SLC16A9: variants seen among roughly 807,000 people sequenced by gnomAD.
SLC16A9 encodes the protein solute carrier family 16 member 9, also known as monocarboxylate transporter 9.
A neutral mutation model predicts 44.3 loss-of-function variants in SLC16A9; 26 were observed. The ratio of observed to expected loss-of-function variants is 0.59; its 90% CI spans 0.43 to 0.81. The LOEUF (loss-of-function observed/expected upper bound fraction) is 0.81. SLC16A9 is among the 40% of genes least tolerant of loss of function. SLC16A9 has a pLI of 0.00. For missense variants in SLC16A9, 559 were observed against 595.8 expected (o/e 0.94, Z 0.64); for synonymous variants, 230 against 225.1 (o/e 1.02, Z -0.19).
intron 2 of SLC16A9, among the ~76,000 whole-genome samples, chr10:59,677,580 G>A (rs1455926995): frequency 6.6e-6 from 1 of 152,014 alleles, no homozygotes; most frequent in Non-Finnish European, 1.5e-5. Context: ...CTCGCATCAA[G>A]GTTTAAAATA....
chr10:59,654,314 A>G lies in SLC16A9; in HGVS notation c.712T>C (p.Cys238Arg), dbSNP rs999940296. Residue 238 changes from cysteine to arginine, a missense_variant, in exon 5 of 6, where the codon TGC (cysteine) becomes CGC (arginine). Cys to Arg is a radical substitution (Grantham distance 180). Coordinates refer to ENST00000395348, the MANE Select transcript of SLC16A9 (RefSeq NM_194298.3). ...LDKSYSSEEK[C>R]RITLANGDWK... ...TCACCATTGGCTAACGTGATCCTGC[A>G]TTTTTCCTCACTACTGTAGCTCTTG... 6.2e-6 allele frequency: 10 copies of G among 1,613,910 alleles called. No homozygotes were observed. The Admixed American group carries it at 1.2e-4, about 19-fold the overall frequency.
intron 1 of SLC16A9, among the ~76,000 whole-genome samples, chr10:59,698,201 T>C (rs1267480339): frequency 6.6e-6 from 1 of 152,236 alleles, no homozygotes; most frequent in African/African-American, 2.4e-5. Context: ...CTTTAGTTAT[T>C]TCTTAATACT....
chr10:59,653,446 G>A (rs1215482180), intron 5 of SLC16A9, among the ~76,000 whole-genome samples: 698 of 22,756 alleles, frequency 0.031, no homozygotes, highest in Non-Finnish European at 0.067. Context: ...AAAAAAAAAA[G>A]CAGGCATTTT....
At chr10:59,671,422 C>A (rs1030879325) in intron 3 of SLC16A9, among the ~76,000 whole-genome samples, 3 of 152,296 alleles carry the variant, frequency 2.0e-5, no homozygotes, top group African/African-American at 7.2e-5. Context: ...AAGTGAAATA[C>A]ATTTTGAACA....
intron 3 of SLC16A9, among the ~76,000 whole-genome samples, chr10:59,666,594 A>G (rs1166108976): frequency 6.6e-6 from 1 of 152,220 alleles, no homozygotes; most frequent in African/African-American, 2.4e-5. Flanking sequence ...CATAGGCTTC[A>G]CAACCACACC....
intron 1 of SLC16A9, among the ~76,000 whole-genome samples, chr10:59,703,972 T>G (rs944414568): frequency 6.6e-6 from 1 of 152,162 alleles, no homozygotes; most frequent in Non-Finnish European, 1.5e-5. Flanking sequence ...TCCGCCCGCC[T>G]CTGCCTCCAA....
At chr10:59,680,414 C>G (rs12264008) in intron 2 of SLC16A9, among the ~76,000 whole-genome samples, 16,231 of 152,132 alleles carry the variant, frequency 0.11, 1,421 homozygotes, top group African/African-American at 0.24. Context: ...GGTTCCAGCT[C>G]CCTCTGCCAC....
intron 4 of SLC16A9, among the ~76,000 whole-genome samples, chr10:59,663,757 TAATAATA>T (rs1261494928): frequency 6.6e-6 from 1 of 151,980 alleles, no homozygotes; most frequent in African/African-American, 2.4e-5. Flanking sequence ...TAAAATATAA[TAATAATA>T]AATAATAAAT....
chr10:59,652,946 C>T lies in SLC16A9; in HGVS notation c.1356G>A (p.Trp452Ter), dbSNP rs1244528580. 1 of 1,599,254 alleles carries T rather than the reference C, an allele frequency of 6.3e-7. No individual in the cohort carries two copies. The highest frequency in any genetic ancestry group is 8.5e-7 in the Non-Finnish European group (1 of 1,175,146). The change falls in exon 6 of 6, where the codon TGG becomes TGA. Residue 452 changes from tryptophan to a stop codon, truncating the protein, a stop_gained. Transcript: ENST00000395348. LOFTEE classifies it high-confidence loss of function. The part of the protein sequence containing the change: ...GNSLGPPIVG[W>*]FYDWTQTYDI... ...CATAGGTCTGGGTCCAGTCATAAAA[C>T]CAACCTGAAAAGGCAGTAAGAAAAA...
chr10:59,686,473 T>A (rs1440361754), intron 1 of SLC16A9, among the ~76,000 whole-genome samples: 1 of 152,228 alleles, frequency 6.6e-6, no homozygotes, highest in Non-Finnish European at 1.5e-5. Context: ...TTTGTTCAAG[T>A]CTCCATCTAT....
chr10:59,685,833 C>T (rs2132498021), intron 1 of SLC16A9, among the ~76,000 whole-genome samples: 1 of 152,276 alleles, frequency 6.6e-6, no homozygotes, highest in Admixed American at 6.5e-5. Context: ...TCATTGAGGC[C>T]AGGTATTACC....
At chr10:59,671,789 A>G (rs916132287) in intron 3 of SLC16A9, among the ~76,000 whole-genome samples, 3 of 152,226 alleles carry the variant, frequency 2.0e-5, no homozygotes, top group African/African-American at 4.8e-5. Flanking sequence ...CTAAGTATCA[A>G]ACGAAGTCTC....
chr10:59,672,426 C>T (rs1839770421), intron 3 of SLC16A9, among the ~76,000 whole-genome samples: 1 of 152,060 alleles, frequency 6.6e-6, no homozygotes, highest in South Asian at 2.1e-4. Context: ...AGGAAAAGGG[C>T]CACTTCATAA....
rs543308404 is a variant in SLC16A9, at chr10:59,680,466, T to C, written c.196+3630A>G. Among the ~76,000 whole-genome samples the C allele has an allele frequency of 1.5e-3, 227 of 152,330 alleles. 2 individuals are homozygous for C. The highest frequency in any genetic ancestry group is 5.2e-3 in the African/African-American group (215 of 41,566). On this transcript the variant is annotated intron_variant, in intron 2 of 5. Coordinates refer to ENST00000395348, the MANE Select transcript of SLC16A9 (RefSeq NM_194298.3). ...TGTCTTCATCTTTCATCCTGAATGG[T>C]CCCTTTCTTTTGCAGGTTTTACAGA...
At chr10:59,667,934 T>G (rs1335345620) in intron 3 of SLC16A9, among the ~76,000 whole-genome samples, 1 of 152,012 alleles carries the variant, frequency 6.6e-6, no homozygotes, top group Non-Finnish European at 1.5e-5. Context: ...TTTCACACAC[T>G]GGAGACACAA....
In SLC16A9 at chr10:59,675,814, A is replaced by G. The variant is rs190154317; in HGVS notation, c.197-2901T>C. Among the ~76,000 whole-genome samples, 69 of 152,102 alleles carry G rather than the reference A, an allele frequency of 4.5e-4. 1 individual carries two copies. Among genetic ancestry groups the G allele is most frequent in the Admixed American group, 2.8e-3 (42 of 15,264 alleles). ...GGAAAGAATCAAGAGAGAAGGAAAAACCCCAGAACCATGCCAACTTGTAAA... is the reference window on the plus strand; with the variant it reads ...GGAAAGAATCAAGAGAGAAGGAAAAGCCCCAGAACCATGCCAACTTGTAAA... On this transcript the variant is annotated intron_variant, in intron 2 of 5. Coordinates refer to ENST00000395348, the MANE Select transcript of SLC16A9 (RefSeq NM_194298.3).
chr10:59,686,203 C>T (rs1314535044), intron 1 of SLC16A9, among the ~76,000 whole-genome samples: 3 of 152,178 alleles, frequency 2.0e-5, no homozygotes, highest in Non-Finnish European at 2.9e-5. Context: ...TGTTTCATCA[C>T]AGAATCTTTT....
chr10:59,704,342 A>T (rs1389422607), intron 1 of SLC16A9, among the ~76,000 whole-genome samples: 1 of 152,080 alleles, frequency 6.6e-6, no homozygotes, highest in Non-Finnish European at 1.5e-5. Context: ...ATCCGGGTAA[A>T]CCTTGTGAAG....
chr10:59,695,725 G>A (rs1840356863), intron 1 of SLC16A9, among the ~76,000 whole-genome samples: 1 of 152,188 alleles, frequency 6.6e-6, no homozygotes. Flanking sequence ...ACAGAGCAAA[G>A]CTTCTCCTCA....
Sources: gnomAD v4.1 joint callset for allele counts (sites outside exome capture counted in the v4.1 genomes callset) on GRCh38, gnomAD v4.1.1 for gene constraint, MANE v1.5 for transcripts, NCBI Gene and HGNC (gene_info 2026-07-23, HGNC 2026-07-21) for gene names.